Variants in DOK6 observed in about 807,000 individuals in gnomAD.
The protein encoded by DOK6 is downstream of tyrosine kinase 6.
In DOK6, 22 loss-of-function variants were observed where a neutral mutation model predicts 44.0. That is an observed-to-expected ratio of 0.50 (90% CI 0.36 to 0.71). The LOEUF (loss-of-function observed/expected upper bound fraction) is 0.71, where lower values mean the gene tolerates loss of function less well. DOK6 is among the 30% of genes least tolerant of loss of function. DOK6 has a pLI of 0.00. For synonymous variants in DOK6, 166 were observed against 145.5 expected (o/e 1.14, Z -1.01); for missense variants, 340 against 416.4 (o/e 0.82, Z 1.60).
At chr18:69,753,359 G>T (rs1979247620) in intron 6 of DOK6, among the ~76,000 whole-genome samples, 1 of 152,126 alleles carries the variant, frequency 6.6e-6, no homozygotes, top group African/African-American at 2.4e-5. Flanking sequence ...ACTCTCATTT[G>T]TGTTATATTC....
intron 5 of DOK6, among the ~76,000 whole-genome samples, chr18:69,719,658 T>TCA (rs1826841613): frequency 6.6e-6 from 1 of 152,130 alleles, no homozygotes; most frequent in South Asian, 2.1e-4. Context: ...AAAGAAGGGG[T>TCA]CAGTTTGGGG....
At chr18:69,579,678 C>T (rs1983319230) in intron 2 of DOK6, among the ~76,000 whole-genome samples, 2 of 152,126 alleles carry the variant, frequency 1.3e-5, no homozygotes. Context: ...ATTCTCCTGC[C>T]TCAGCCTCCC....
At chr18:69,685,583 C>T (rs1285651050) in intron 4 of DOK6, among the ~76,000 whole-genome samples, 1 of 152,122 alleles carries the variant, frequency 6.6e-6, no homozygotes, top group African/African-American at 2.4e-5. Flanking sequence ...CTGGGCTCAC[C>T]CACACCTACA....
In DOK6 at chr18:69,757,868, T is replaced by C. The variant is rs774278848; in HGVS notation, c.851T>C (p.Leu284Ser). 1.9e-6 allele frequency: 3 copies of C among 1,613,808 alleles called. No homozygotes were observed. The highest frequency in any genetic ancestry group is 2.5e-6 in the Non-Finnish European group (3 of 1,179,676). The change falls in exon 7 of 8, where the codon TTG becomes TCG. Residue 284 changes from leucine to serine, a missense_variant. Coordinates refer to ENST00000382713, the MANE Select transcript of DOK6 (RefSeq NM_152721.6). ...AACAGCGTTGGTGAAATCTACAGTT[T>C]GCAAGGCAAGTCACTTTAATGTAAG... is the stretch of plus-strand genomic sequence containing the variant. ...RQNSVGEIYSLQGHGFGSSKM... is the reference protein window; with the variant it reads ...RQNSVGEIYSSQGHGFGSSKM...
At chr18:69,560,738 G>A (rs868077678) in intron 1 of DOK6, among the ~76,000 whole-genome samples, 8 of 152,124 alleles carry the variant, frequency 5.3e-5, no homozygotes, top group South Asian at 2.1e-4. Context: ...TATGCACTGC[G>A]GCATGAGCTT....
chr18:69,723,038 TA>T (rs1978291408), intron 5 of DOK6, among the ~76,000 whole-genome samples: 1 of 152,242 alleles, frequency 6.6e-6, no homozygotes, highest in Non-Finnish European at 1.5e-5. Flanking sequence ...AAGTCTTTTT[TA>T]TTTATTCCAA....
At chr18:69,504,731 A>G (rs1981136383) in intron 1 of DOK6, among the ~76,000 whole-genome samples, 1 of 152,168 alleles carries the variant, frequency 6.6e-6, no homozygotes, top group Admixed American at 6.5e-5. Context: ...AGCCTACCAC[A>G]TGCTATCAAA....
chr18:69,635,475 T>C (rs898023741), intron 3 of DOK6, among the ~76,000 whole-genome samples: 5 of 152,228 alleles, frequency 3.3e-5, no homozygotes, highest in African/African-American at 1.2e-4. Flanking sequence ...GTACCACTTA[T>C]GCCTTTGCTT....
At chr18:69,690,957 G>A (rs1986251332) in intron 4 of DOK6, among the ~76,000 whole-genome samples, 1 of 152,196 alleles carries the variant, frequency 6.6e-6, no homozygotes, top group Admixed American at 6.5e-5. Context: ...GAGACAGGAA[G>A]ATCATCTGAG....
intron 1 of DOK6, among the ~76,000 whole-genome samples, chr18:69,436,828 C>T (rs776867568): frequency 6.6e-6 from 1 of 152,140 alleles, no homozygotes; most frequent in Non-Finnish European, 1.5e-5. Flanking sequence ...TCTGTTGTTT[C>T]CTGACTTTTT....
At chr18:69,483,647 C>T (rs901995179) in intron 1 of DOK6, 1 of 152,076 alleles carries the variant, frequency 6.6e-6, no homozygotes, top group African/African-American at 2.4e-5. Context: ...CCTTGTAACT[C>T]CATTCTGCTC....
At chr18:69,485,879 A>ATG (rs1411352229) in intron 1 of DOK6, among the ~76,000 whole-genome samples, 1 of 83,572 alleles carries the variant, frequency 1.2e-5, no homozygotes, top group East Asian at 3.1e-4. Flanking sequence ...GTATACGTAT[A>ATG]TATGTGTGTG....
At chr18:69,489,852 T>G (rs1363633817) in intron 1 of DOK6, among the ~76,000 whole-genome samples, 1 of 152,060 alleles carries the variant, frequency 6.6e-6, no homozygotes, top group Non-Finnish European at 1.5e-5. Context: ...CAGTATTTTT[T>G]CCAATATATT....
intron 1 of DOK6, among the ~76,000 whole-genome samples, chr18:69,526,417 G>A (rs1599173926): frequency 6.6e-6 from 1 of 152,104 alleles, no homozygotes. Context: ...GCATGTATCA[G>A]TATTGCATTT....
In DOK6 at chr18:69,848,259, A is replaced by G. The variant is rs1358429555; in HGVS notation, c.*6876A>G. 6.6e-6 allele frequency: 1 copy of G among 152,194 alleles called. No homozygotes were observed. The highest frequency in any genetic ancestry group is 2.4e-5 in the African/African-American group (1 of 41,450). 9.4% of individuals were successfully genotyped at this position (152,194 alleles called of 1,614,324 possible). On this transcript the variant is annotated 3_prime_UTR_variant, in exon 8 of 8. Coordinates refer to ENST00000382713, the MANE Select transcript of DOK6 (RefSeq NM_152721.6). ...TATACTTTGTGAAGTCTTATACTGT[A>G]CATCATAAAGCGATGTCATCTGTAG...
intron 6 of DOK6, among the ~76,000 whole-genome samples, chr18:69,744,249 G>A (rs1978902263): frequency 6.6e-6 from 1 of 151,636 alleles, no homozygotes; most frequent in African/African-American, 2.4e-5. Flanking sequence ...GGCGGAGGTT[G>A]CAGTGAGCCG....
At chr18:69,583,866 TG>T (rs1983427132) in intron 2 of DOK6, among the ~76,000 whole-genome samples, 1 of 152,172 alleles carries the variant, frequency 6.6e-6, no homozygotes. Flanking sequence ...CCCAGCACTT[TG>T]GGAGACCAAG....
At chr18:69,500,381 T>G (rs1258438673) in intron 1 of DOK6, among the ~76,000 whole-genome samples, 1 of 152,154 alleles carries the variant, frequency 6.6e-6, no homozygotes, top group African/African-American at 2.4e-5. Flanking sequence ...GCCATTCTCT[T>G]TCATATGTCA....
At chr18:69,443,932 A>G (rs991118677) in intron 1 of DOK6, among the ~76,000 whole-genome samples, 31 of 113,154 alleles carry the variant, frequency 2.7e-4, no homozygotes, top group Non-Finnish European at 5.1e-4. Context: ...TGTACTTACC[A>G]CATTCCATAA....
Sources: gnomAD v4.1 joint callset for allele counts (sites outside exome capture counted in the v4.1 genomes callset) on GRCh38, gnomAD v4.1.1 for gene constraint, MANE v1.5 for transcripts, NCBI Gene and HGNC (gene_info 2026-07-23, HGNC 2026-07-21) for gene names.